The following LANCL3 variants were observed in gnomAD, a reference collection of about 807,000 sequenced individuals.
The protein encoded by LANCL3 is LanC like family member 3, also known as lanC-like protein 3.
In LANCL3, 19 loss-of-function variants were observed where a neutral mutation model predicts 26.5. The ratio of observed to expected loss-of-function variants is 0.72; its 90% CI spans 0.50 to 1.05. The LOEUF is 1.05. LANCL3 is among the 50% of genes least tolerant of loss of function. The probability of loss-of-function intolerance (pLI) is 0.00; values close to 1 mark genes in which losing one functional copy is unlikely to be tolerated. For synonymous variants in LANCL3, 160 were observed against 166.6 expected (o/e 0.96, Z 0.30); for missense variants, 318 against 362.7 (o/e 0.88, Z 1.00).
chrX:37,596,015 G>A (rs1046723689), intron 1 of LANCL3, among the ~76,000 whole-genome samples: 2 of 111,943 alleles, frequency 1.8e-5, no homozygotes, highest in Non-Finnish European at 3.8e-5. Context: ...AAGAGTCAAA[G>A]CTTATTTCCA....
chrX:37,609,375 A>G (rs1268326126), intron 1 of LANCL3, among the ~76,000 whole-genome samples: 1 of 112,046 alleles, frequency 8.9e-6, no homozygotes, highest in African/African-American at 3.2e-5. Flanking sequence ...ACTGATGTGT[A>G]AAAGGTCCTG....
At chrX:37,610,194 G>A (rs1556420983) in intron 1 of LANCL3, among the ~76,000 whole-genome samples, 2 of 111,801 alleles carry the variant, frequency 1.8e-5, no homozygotes, top group African/African-American at 6.5e-5. Context: ...AATTCATCTG[G>A]GGTTAGAAGC....
At chrX:37,576,296 C>A (rs1282561006) in intron 1 of LANCL3, among the ~76,000 whole-genome samples, 7 of 111,829 alleles carry the variant, frequency 6.3e-5, no homozygotes, top group Non-Finnish European at 1.3e-4. Context: ...TTAACTTGGC[C>A]TTCCTGGAAT....
chrX:37,612,162 G>A (rs994296436), intron 1 of LANCL3, among the ~76,000 whole-genome samples: 18 of 111,031 alleles, frequency 1.6e-4, no homozygotes, highest in African/African-American at 4.6e-4. Flanking sequence ...GGCTGGTCTC[G>A]AACTCCTGAC....
At chrX:37,673,290 A>AT (rs1556436776) in intron 4 of LANCL3, among the ~76,000 whole-genome samples, 1 of 109,714 alleles carries the variant, frequency 9.1e-6, no homozygotes, top group Non-Finnish European at 1.9e-5. Flanking sequence ...TTGCTTATTA[A>AT]TTTTTTTTGT....
chrX:37,597,263 A>G (rs186828689), intron 1 of LANCL3, among the ~76,000 whole-genome samples: 3 of 111,982 alleles, frequency 2.7e-5, no homozygotes, highest in African/African-American at 9.7e-5. Context: ...ATTTCCAGTT[A>G]TTGGCTGTTA....
In LANCL3 at chrX:37,620,560, A is replaced by G. The variant is rs1288700252; in HGVS notation, c.574-35128A>G. ...TTGCAGAGAAATTTCAAGGACTTTT[A>G]AGTCCAGTATACCTTGGATTTGGGG... is the stretch of plus-strand genomic sequence containing the variant. On this transcript the variant is annotated intron_variant, in intron 1 of 4. Coordinates refer to ENST00000378619, the MANE Select transcript of LANCL3 (RefSeq NM_001170331.2). Among the ~76,000 whole-genome samples, 9 of 111,925 alleles carry G rather than the reference A, an allele frequency of 8.0e-5. No homozygotes were observed. The Admixed American group carries it at 8.5e-4, about 11-fold the overall frequency.
intron 1 of LANCL3, among the ~76,000 whole-genome samples, chrX:37,645,122 C>G (rs1192126165): frequency 8.9e-6 from 1 of 112,519 alleles, no homozygotes. Context: ...TTACCAGCTA[C>G]TTCTGATAAA....
Position 37,677,142 on chromosome X carries a change from G to GTGTGTGTGTGTC in LANCL3, c.*1340_*1341insCTGTGTGTGTGT, listed in dbSNP as rs1267036344. ...CATTAAATATTTGGATATATTATGT[G>GTGTGTGTGTGTC]TGTGTGTGTGTGTGTGTGTGTGTGT... is the stretch of plus-strand genomic sequence containing the variant. On this transcript the variant is annotated 3_prime_UTR_variant, in exon 5 of 5. Coordinates refer to ENST00000378619, the MANE Select transcript of LANCL3 (RefSeq NM_001170331.2). The GTGTGTGTGTGTC allele has an allele frequency of 3.7e-5, 4 of 109,392 alleles. No individual in the cohort carries two copies. The highest frequency in any genetic ancestry group is 1.3e-4 in the African/African-American group (4 of 29,852). The allele number at this position is 109,392 out of a possible 1,213,427, so 9.0% of individuals were successfully genotyped here. A position where few individuals can be genotyped will look rare whatever the true frequency, so the allele number is the denominator to read the frequency against.
intron 1 of LANCL3, among the ~76,000 whole-genome samples, chrX:37,632,954 G>C (rs1362630020): frequency 3.6e-5 from 4 of 111,147 alleles, no homozygotes; most frequent in African/African-American, 1.3e-4. Flanking sequence ...TTCTCGAGGA[G>C]TATCTTTGTG....
chrX:37,664,499 T>G (rs1926495983), intron 3 of LANCL3, among the ~76,000 whole-genome samples: 1 of 112,036 alleles, frequency 8.9e-6, no homozygotes. Context: ...AAGCTTTTTT[T>G]GTTTCTTTTT....
intron 1 of LANCL3, among the ~76,000 whole-genome samples, chrX:37,638,551 T>C (rs1332354367): frequency 8.9e-6 from 1 of 112,024 alleles, no homozygotes; most frequent in Non-Finnish European, 1.9e-5. Context: ...ACAAAATGTA[T>C]TAACAGACAG....
chrX:37,586,616 C>T (rs1924091357), intron 1 of LANCL3, among the ~76,000 whole-genome samples: 1 of 112,069 alleles, frequency 8.9e-6, no homozygotes, highest in South Asian at 3.8e-4. Flanking sequence ...GCATTCGTCA[C>T]GTAGTTCTCG....
intron 1 of LANCL3, among the ~76,000 whole-genome samples, chrX:37,592,991 A>G (rs1569462640): frequency 8.9e-6 from 1 of 112,285 alleles, no homozygotes; most frequent in Non-Finnish European, 1.9e-5. Flanking sequence ...AAAGACAATG[A>G]AGCAAGGTCT....
At chrX:37,640,331 CA>C (rs1925831386) in intron 1 of LANCL3, among the ~76,000 whole-genome samples, 1 of 111,133 alleles carries the variant, frequency 9.0e-6, no homozygotes, top group South Asian at 3.8e-4. Context: ...AGAGAGAGCA[CA>C]AAGAGGGAAG....
At position 37,639,175 on chromosome X, in the gene LANCL3, C is replaced by T. The variant is rs185170311; in HGVS notation, c.574-16513C>T. Among the ~76,000 whole-genome samples the T allele has an allele frequency of 1.2e-3, 122 of 100,650 alleles. 1 individual carries two copies. The Middle Eastern group carries it at 0.038, about 32-fold the overall frequency. 87.4% of individuals were successfully genotyped at this position (100,650 alleles called of 115,157 possible). A position where few individuals can be genotyped will look rare whatever the true frequency, so the allele number is the denominator to read the frequency against. ...ATAGATATCCATATTATATATATAT[C>T]CATATATACATACATATACACACAC... is the stretch of plus-strand genomic sequence containing the variant. On this transcript the variant is annotated intron_variant, in intron 1 of 4. Coordinates refer to ENST00000378619, the MANE Select transcript of LANCL3 (RefSeq NM_001170331.2).
Position 37,629,275 on chromosome X carries a change from G to A in LANCL3, c.574-26413G>A, listed in dbSNP as rs868947750. On this transcript the variant is annotated intron_variant, in intron 1 of 4. Coordinates refer to ENST00000378619, the MANE Select transcript of LANCL3 (RefSeq NM_001170331.2). ...TGAGAAGTGTCTGTTCATGTCCTTC[G>A]CCCACTTTTTGATGGGGTTGTTTGT... 8.7e-3 allele frequency among the ~76,000 whole-genome samples: 925 copies of A among 106,303 alleles called. 6 individuals are homozygous for A. The highest frequency in any genetic ancestry group is 0.015 in the Non-Finnish European group (775 of 51,360). 92.3% of individuals were successfully genotyped at this position (106,303 alleles called of 115,157 possible). A position where few individuals can be genotyped will look rare whatever the true frequency, so the allele number is the denominator to read the frequency against.
chrX:37,647,216 A>C (rs1556427281), intron 1 of LANCL3, among the ~76,000 whole-genome samples: 2 of 111,033 alleles, frequency 1.8e-5, no homozygotes, highest in Non-Finnish European at 1.9e-5. Context: ...TGGGAGGCTG[A>C]GGCAGGAGAA....
intron 3 of LANCL3, among the ~76,000 whole-genome samples, chrX:37,663,014 C>T (rs1556432934): frequency 9.0e-6 from 1 of 111,472 alleles, no homozygotes; most frequent in Non-Finnish European, 1.9e-5. Context: ...TTCTGGGGCT[C>T]ATGGCCTGGT....
Sources: allele counts gnomAD v4.1 joint callset (sites outside exome capture counted in the v4.1 genomes callset), GRCh38; gene constraint gnomAD v4.1.1; transcripts MANE v1.5; gene names NCBI Gene and HGNC (gene_info 2026-07-23, HGNC 2026-07-21).